The following GPATCH2 variants were observed in gnomAD, a reference collection of about 807,000 sequenced individuals.
The protein encoded by GPATCH2 is G-patch domain containing 2.
GPATCH2 carries 51 observed loss-of-function variants against 58.0 expected under a neutral mutation model. The observed-to-expected ratio is 0.88, with a 90% CI of 0.70 to 1.11. The LOEUF (loss-of-function observed/expected upper bound fraction) is 1.11. Ranked by LOEUF, GPATCH2 falls within the 50% of genes most tolerant of loss-of-function variation. GPATCH2 has a pLI of 0.00. For missense variants in GPATCH2, 625 were observed against 652.2 expected (o/e 0.96, Z 0.45); for synonymous variants, 222 against 218.5 (o/e 1.02, Z -0.14).
At chr1:217,468,508 C>A (rs1660563558) in intron 8 of GPATCH2, among the ~76,000 whole-genome samples, 1 of 112,846 alleles carries the variant, frequency 8.9e-6, no homozygotes, top group Admixed American at 1.1e-4. Flanking sequence ...AAGGAATGCA[C>A]ACACAACCAC....
At chr1:217,531,500 G>A (rs1458258510) in intron 5 of GPATCH2, among the ~76,000 whole-genome samples, 3 of 152,092 alleles carry the variant, frequency 2.0e-5, no homozygotes, top group African/African-American at 7.2e-5. Flanking sequence ...ACTGCCATCT[G>A]CATAATTAAA....
At chr1:217,488,671 T>C (rs1341754749) in intron 8 of GPATCH2, among the ~76,000 whole-genome samples, 1 of 151,954 alleles carries the variant, frequency 6.6e-6, no homozygotes, top group Non-Finnish European at 1.5e-5. Context: ...CATAAATTAT[T>C]TTATTTTATT....
At chr1:217,515,479 G>A (rs1335637248) in intron 5 of GPATCH2, among the ~76,000 whole-genome samples, 1 of 152,094 alleles carries the variant, frequency 6.6e-6, no homozygotes, top group African/African-American at 2.4e-5. Flanking sequence ...ACTTTGGGAG[G>A]CTAAGGTCAC....
intron 1 of GPATCH2, among the ~76,000 whole-genome samples, chr1:217,629,079 T>G (rs1468616787): frequency 6.6e-6 from 1 of 152,160 alleles, no homozygotes; most frequent in East Asian, 1.9e-4. Flanking sequence ...TTGTAAAACC[T>G]GGCACCTAAT....
intron 5 of GPATCH2, among the ~76,000 whole-genome samples, chr1:217,555,147 T>C (rs982268045): frequency 2.0e-5 from 3 of 152,174 alleles, no homozygotes; most frequent in Non-Finnish European, 4.4e-5. Context: ...TTTACTGAGA[T>C]AGGTATTTTT....
intron 9 of GPATCH2, among the ~76,000 whole-genome samples, chr1:217,435,282 T>C (rs2102526667): frequency 6.6e-6 from 1 of 152,350 alleles, no homozygotes; most frequent in African/African-American, 2.4e-5. Context: ...CCCAGCCTCC[T>C]GTCTGCTGGA....
At chr1:217,520,729 G>T (rs1663410132) in intron 5 of GPATCH2, among the ~76,000 whole-genome samples, 1 of 151,970 alleles carries the variant, frequency 6.6e-6, no homozygotes, top group Non-Finnish European at 1.5e-5. Flanking sequence ...AACTGACAAA[G>T]AATGTGTAAT....
chr1:217,536,752 G>A (rs1355797906), intron 5 of GPATCH2, among the ~76,000 whole-genome samples: 1 of 152,094 alleles, frequency 6.6e-6, no homozygotes, highest in Non-Finnish European at 1.5e-5. Flanking sequence ...CGAGGCAGAC[G>A]GATCATGAGG....
At chr1:217,539,390 AGACT>A (rs1452116047) in intron 5 of GPATCH2, among the ~76,000 whole-genome samples, 1 of 152,238 alleles carries the variant, frequency 6.6e-6, no homozygotes, top group Non-Finnish European at 1.5e-5. Context: ...AGATTGAAAC[AGACT>A]GACTATTTGA....
chr1:217,461,508 C>T (rs1328873792), intron 8 of GPATCH2, among the ~76,000 whole-genome samples: 1 of 152,216 alleles, frequency 6.6e-6, no homozygotes, highest in Non-Finnish European at 1.5e-5. Flanking sequence ...TTAGCAGTTA[C>T]ATGCCTTGCC....
chr1:217,485,964 A>T (rs1012196841), intron 8 of GPATCH2, among the ~76,000 whole-genome samples: 1 of 152,176 alleles, frequency 6.6e-6, no homozygotes, highest in African/African-American at 2.4e-5. Context: ...CAAATAACGT[A>T]GTGTTAGCAT....
In GPATCH2 at chr1:217,543,260, G is replaced by C. The variant is rs544928299; in HGVS notation, c.1099-28371C>G. Among the ~76,000 whole-genome samples the C allele has an allele frequency of 1.2e-3, 175 of 147,926 alleles. 1 individual carries two copies. Among genetic ancestry groups the C allele is most frequent in the African/African-American group, 4.1e-3 (165 of 40,280 alleles). On this transcript the variant is annotated intron_variant, in intron 5 of 9. Transcript: ENST00000366935. ...AGGCTACATCATTGAAAAGCATGAT[G>C]ATGCGAACGTTTTTTTTTTTTTTTT...
chr1:217,623,354 G>A (rs1302239224), intron 1 of GPATCH2, among the ~76,000 whole-genome samples: 1 of 152,088 alleles, frequency 6.6e-6, no homozygotes, highest in Non-Finnish European at 1.5e-5. Flanking sequence ...ACTAACATTA[G>A]AAAGAGGTTA....
chr1:217,524,537 T>C (rs12144438), intron 5 of GPATCH2, among the ~76,000 whole-genome samples: 124,975 of 151,400 alleles, frequency 0.83, 51,665 homozygotes, highest in East Asian at 0.92. Flanking sequence ...TGTAGCGAGC[T>C]GAGATCACGC....
intron 8 of GPATCH2, among the ~76,000 whole-genome samples, chr1:217,468,706 G>C (rs1307661783): frequency 1.3e-5 from 2 of 151,882 alleles, no homozygotes; most frequent in South Asian, 4.2e-4. Flanking sequence ...TATATTAAGG[G>C]ATTATTGTTA....
chr1:217,539,713 T>C (rs1301325262), intron 5 of GPATCH2, among the ~76,000 whole-genome samples: 3 of 152,182 alleles, frequency 2.0e-5, no homozygotes, highest in African/African-American at 4.8e-5. Context: ...CAAGGCAATT[T>C]GCAGCTCTGT....
chr1:217,514,791 ATAAGG>A lies in GPATCH2; in HGVS notation c.1166+26_1166+30del. The stretch of plus-strand genomic sequence containing the variant: ...CAAAAGAGCTAAGTAGAATACTCCA[ATAAGG>A]TTATATAAACACACTGAGTACTCAC... On this transcript the variant is annotated intron_variant, in intron 6 of 9. Transcript: ENST00000366935. 3 of 998,646 alleles carry A rather than the reference ATAAGG, an allele frequency of 3.0e-6. No individual in the cohort carries two copies. In the East Asian group the frequency reaches 7.1e-5, roughly 24 times the overall value. 61.9% of individuals were successfully genotyped at this position (998,646 alleles called of 1,614,324 possible). A position where few individuals can be genotyped will look rare whatever the true frequency, so the allele number is the denominator to read the frequency against.
intron 8 of GPATCH2, among the ~76,000 whole-genome samples, chr1:217,475,943 T>C (rs930879452): frequency 1.3e-5 from 2 of 151,550 alleles, no homozygotes; most frequent in African/African-American, 4.9e-5. Context: ...TGCCAGGACA[T>C]TAGATGTGCA....
chr1:217,496,974 A>G (rs1227424380), intron 7 of GPATCH2, among the ~76,000 whole-genome samples: 1 of 152,188 alleles, frequency 6.6e-6, no homozygotes, highest in Non-Finnish European at 1.5e-5. Flanking sequence ...AAAAAGATAA[A>G]AAAAAATTGG....
Sources: gnomAD v4.1 joint callset for allele counts (sites outside exome capture counted in the v4.1 genomes callset) on GRCh38, gnomAD v4.1.1 for gene constraint, MANE v1.5 for transcripts, NCBI Gene and HGNC (gene_info 2026-07-23, HGNC 2026-07-21) for gene names.